LDB2: variants seen among roughly 807,000 people sequenced by gnomAD.
LDB2 encodes LIM domain binding 2.
In LDB2, 12 loss-of-function variants were observed where a neutral mutation model predicts 44.3. The observed-to-expected ratio is 0.27, with a 90% CI of 0.17 to 0.44. The LOEUF is 0.44. Ranked by LOEUF, LDB2 falls within the 20% of genes least tolerant of loss-of-function variation. The pLI, the probability that LDB2 is intolerant of heterozygous loss-of-function variation, is 1.00. For missense variants in LDB2, 344 were observed against 473.5 expected (o/e 0.73, Z 2.54); for synonymous variants, 164 against 174.8 (o/e 0.94, Z 0.49).
intron 1 of LDB2, among the ~76,000 whole-genome samples, chr4:16,878,656 T>C (rs1197087783): frequency 2.0e-5 from 3 of 152,220 alleles, no homozygotes; most frequent in Non-Finnish European, 2.9e-5. Context: ...CTTAACATCC[T>C]ATCTGTAGTC....
chr4:16,559,109 C>T (rs1741000734), intron 5 of LDB2, among the ~76,000 whole-genome samples: 1 of 152,342 alleles, frequency 6.6e-6, no homozygotes, highest in East Asian at 1.9e-4. Flanking sequence ...ACTGCAAAAT[C>T]ATGCCAAATT....
chr4:16,848,898 C>T (rs1221968321), intron 1 of LDB2, among the ~76,000 whole-genome samples: 1 of 152,154 alleles, frequency 6.6e-6, no homozygotes, highest in Admixed American at 6.5e-5. Flanking sequence ...ACACTCTTTC[C>T]AGTAATGCAC....
intron 7 of LDB2, chr4:16,505,956 G>A: frequency 6.4e-7 from 1 of 1,551,696 alleles, no homozygotes; most frequent in Non-Finnish European, 8.7e-7. Flanking sequence ...CAGGGTTGAG[G>A]CTGCAGTTCG....
At chr4:16,592,294 C>T (rs1254942552) in intron 3 of LDB2, among the ~76,000 whole-genome samples, 2 of 151,720 alleles carry the variant, frequency 1.3e-5, no homozygotes, top group Non-Finnish European at 2.9e-5. Flanking sequence ...CATATAGCTT[C>T]GATGAAATCA....
At chr4:16,521,030 C>T (rs1229249305) in intron 5 of LDB2, among the ~76,000 whole-genome samples, 2 of 152,292 alleles carry the variant, frequency 1.3e-5, no homozygotes, top group South Asian at 2.1e-4. Context: ...AGGAGACAAG[C>T]CCCTGCACAT....
At position 16,672,832 on chromosome 4, in the gene LDB2, T is replaced by TTTCTTTCTTTCC. The variant is rs5856378; in HGVS notation, c.236-76958_236-76957insGGAAAGAAAGAA. On this transcript the variant is annotated intron_variant, in intron 2 of 7. Coordinates refer to ENST00000304523, the MANE Select transcript of LDB2 (RefSeq NM_001290.5). ...CTTGCGTGCCTGCCTGCCTGCCTTCTTTCCTTCCTTCCTTCCTTCCTTTCC... is the reference window on the plus strand; with the variant it reads ...CTTGCGTGCCTGCCTGCCTGCCTTCTTTCTTTCTTTCCTTCCTTCCTTCCTTCCTTCCTTTCC... Among the ~76,000 whole-genome samples, 74 of 147,832 alleles carry TTTCTTTCTTTCC rather than the reference T, an allele frequency of 5.0e-4. No individual in the cohort carries two copies. In the Middle Eastern group the frequency reaches 0.017, roughly 34 times the overall value.
chr4:16,568,706 G>T (rs1017126792), intron 5 of LDB2, among the ~76,000 whole-genome samples: 1 of 152,118 alleles, frequency 6.6e-6, no homozygotes, highest in African/African-American at 2.4e-5. Context: ...AGAAAAATTG[G>T]CCCTTCATAT....
intron 2 of LDB2, among the ~76,000 whole-genome samples, chr4:16,606,530 C>T (rs1578163303): frequency 6.6e-6 from 1 of 152,150 alleles, no homozygotes; most frequent in African/African-American, 2.4e-5. Flanking sequence ...TAAAGCATGT[C>T]CCTCACAAAG....
intron 5 of LDB2, among the ~76,000 whole-genome samples, chr4:16,569,613 A>G (rs1301441681): frequency 3.9e-5 from 6 of 152,042 alleles, no homozygotes; most frequent in African/African-American, 1.4e-4. Context: ...GACCACCCCA[A>G]ACCATCCTAT....
rs762526170 is a variant in LDB2 at position 16,595,863 on chromosome 4, G to T, written c.248C>A (p.Thr83Asn). 6.2e-7 allele frequency: 1 copy of T among 1,612,582 alleles called. No homozygotes were observed. Among genetic ancestry groups the T allele is most frequent in the East Asian group, 2.2e-5 (1 of 44,842 alleles). ...AGTGCTAAAGTAACGGGGGATGAGG[G>T]TCCTGCCGATAGCTGGGAGAGAAAC... ...DGPKRYTIGR[T>N]LIPRYFSTVF... is the part of the protein sequence containing the mutation. Residue 83 changes from threonine to asparagine, a missense_variant, in exon 3 of 8, where the codon ACC (threonine) becomes AAC (asparagine). Around this residue, in one of 3 missense-constraint regions of LDB2, gnomAD observed 226 missense variants for 270.1 expected, o/e 0.84. Transcript: ENST00000304523.
At chr4:16,556,529 A>G (rs923281117) in intron 5 of LDB2, among the ~76,000 whole-genome samples, 1 of 152,232 alleles carries the variant, frequency 6.6e-6, no homozygotes, top group African/African-American at 2.4e-5. Context: ...AAGTATGTCA[A>G]AGGTATTTTT....
At position 16,789,059 on chromosome 4, in the gene LDB2, T is replaced by C. The variant is rs867624228; in HGVS notation, c.133-29799A>G. Among the ~76,000 whole-genome samples the C allele has an allele frequency of 2.6e-5, 4 of 152,140 alleles. No individual in the cohort carries two copies. In the South Asian group the frequency reaches 6.2e-4, roughly 24 times the overall value. On this transcript the variant is annotated intron_variant, in intron 1 of 7. Transcript: ENST00000304523. ...TAATTATGTTTGGCTTTGGTTAAATTAGTTTGCATTCCCTGAGCACACACT... is the reference window on the plus strand; with the variant it reads ...TAATTATGTTTGGCTTTGGTTAAATCAGTTTGCATTCCCTGAGCACACACT...
rs964793771 is a variant in LDB2 at position 16,874,156 on chromosome 4, G to A, written c.132+24198C>T. ...TACACAAACTCCAAACCAAAAACTC[G>A]TGGAAAACATTTATAACAAAATTAG... On this transcript the variant is annotated intron_variant, in intron 1 of 7. Coordinates refer to ENST00000304523, the MANE Select transcript of LDB2 (RefSeq NM_001290.5). Among the ~76,000 whole-genome samples, 11 of 152,158 alleles carry A rather than the reference G, an allele frequency of 7.2e-5. No individual in the cohort carries two copies. In the South Asian group the frequency reaches 1.7e-3, roughly 23 times the overall value.
intron 1 of LDB2, among the ~76,000 whole-genome samples, chr4:16,790,959 C>A (rs1011062096): frequency 6.6e-6 from 1 of 152,192 alleles, no homozygotes; most frequent in Admixed American, 6.5e-5. Flanking sequence ...TACAGGCACA[C>A]CAGGCCCTTT....
intron 1 of LDB2, among the ~76,000 whole-genome samples, chr4:16,813,081 T>C (rs983790631): frequency 3.0e-4 from 46 of 152,166 alleles, no homozygotes; most frequent in African/African-American, 1.1e-3. Flanking sequence ...CACTGCAACC[T>C]TCCCCTTGCC....
chr4:16,669,404 G>A (rs1273824732), intron 2 of LDB2, among the ~76,000 whole-genome samples: 2 of 151,846 alleles, frequency 1.3e-5, no homozygotes, highest in East Asian at 3.9e-4. Context: ...GGAGAAGCCA[G>A]GCCACATGGC....
intron 2 of LDB2, among the ~76,000 whole-genome samples, chr4:16,747,639 C>T (rs945675434): frequency 3.3e-5 from 5 of 152,218 alleles, no homozygotes; most frequent in Admixed American, 1.3e-4. Context: ...AAATTTTACA[C>T]GGACAAATAC....
intron 5 of LDB2, among the ~76,000 whole-genome samples, chr4:16,585,676 T>G (rs1399001210): frequency 6.6e-6 from 1 of 152,182 alleles, no homozygotes; most frequent in African/African-American, 2.4e-5. Context: ...TGCTAGCCTT[T>G]GAATAATTAA....
chr4:16,630,403 C>T (rs57984829), intron 2 of LDB2, among the ~76,000 whole-genome samples: 6,297 of 152,216 alleles, frequency 0.041, 239 homozygotes, highest in East Asian at 0.21. Flanking sequence ...ATTTTGTCAC[C>T]AGCAGGCCTA....
Sources: allele counts gnomAD v4.1 joint callset (sites outside exome capture counted in the v4.1 genomes callset), GRCh38; gene constraint gnomAD v4.1.1; regional missense constraint gnomAD v4.1.1; transcripts MANE v1.5; gene names NCBI Gene and HGNC (gene_info 2026-07-23, HGNC 2026-07-21).